The following RARB variants were observed in gnomAD, a reference collection of about 807,000 sequenced individuals.
RARB encodes HBV-activated protein.
RARB carries 17 observed loss-of-function variants against 51.9 expected under a neutral mutation model. The ratio of observed to expected loss-of-function variants is 0.33; its 90% CI spans 0.22 to 0.49. RARB has a LOEUF of 0.49. Among genes scored for constraint, RARB ranks in the 20% least tolerant of loss-of-function variants. RARB has a pLI of 0.99. For missense variants in RARB, 369 were observed against 550.8 expected (o/e 0.67, Z 3.30); for synonymous variants, 215 against 195.4 (o/e 1.10, Z -0.84).
chr3:25,343,257 G>T (rs563608827), intron 5 of RARB, among the ~76,000 whole-genome samples: 2 of 152,172 alleles, frequency 1.3e-5, no homozygotes, highest in East Asian at 1.9e-4. Context: ...GAATCTTGGA[G>T]GTAAGAACCA....
chr3:24,900,667 G>A (rs146789063), intron 2 of RARB, among the ~76,000 whole-genome samples: 33 of 152,318 alleles, frequency 2.2e-4, no homozygotes, highest in African/African-American at 7.0e-4. Flanking sequence ...GCACAATAGA[G>A]TTGTTTGCCT....
chr3:25,456,512 C>T (rs1198349955), intron 1 of RARB, among the ~76,000 whole-genome samples: 5 of 145,274 alleles, frequency 3.4e-5, no homozygotes, highest in African/African-American at 7.6e-5. Context: ...TTGGCATGTT[C>T]GCCTGAGGCT....
Position 25,567,577 on chromosome 3 carries a change from T to C in RARB, c.449-2181T>C, listed in dbSNP as rs1386374757. On this transcript the variant is annotated intron_variant, in intron 3 of 7. Transcript: ENST00000330688. The stretch of plus-strand genomic sequence containing the variant: ...TGAACATTTGGGTTCTTTCCACTTT[T>C]CAACTGCCGTGAGTCACACTGTCAT... 3.9e-5 allele frequency among the ~76,000 whole-genome samples: 6 copies of C among 152,212 alleles called. No homozygotes were observed. The East Asian group carries it at 9.6e-4, about 24-fold the overall frequency.
chr3:24,913,053 T>G (rs2125380836), intron 2 of RARB, among the ~76,000 whole-genome samples: 1 of 140,680 alleles, frequency 7.1e-6, no homozygotes, highest in African/African-American at 2.6e-5. Flanking sequence ...CCTTCTCGGC[T>G]CACTGCAAGC....
intron 2 of RARB, among the ~76,000 whole-genome samples, chr3:24,996,380 T>G (rs916211594): frequency 3.9e-5 from 6 of 152,206 alleles, no homozygotes; most frequent in African/African-American, 1.2e-4. Context: ...TCTAATGATT[T>G]GTAAATTTTG....
At chr3:25,251,807 G>A (rs999162653) in intron 5 of RARB, among the ~76,000 whole-genome samples, 1 of 151,270 alleles carries the variant, frequency 6.6e-6, no homozygotes, top group Non-Finnish European at 1.5e-5. Context: ...TTCATCTTTT[G>A]GGTTGTCTTT....
At chr3:25,563,537 A>G (rs1201246099) in intron 3 of RARB, among the ~76,000 whole-genome samples, 1 of 152,156 alleles carries the variant, frequency 6.6e-6, no homozygotes. Context: ...AACTCTCCCC[A>G]GTTTACAGTG....
intron 2 of RARB, among the ~76,000 whole-genome samples, chr3:25,032,458 C>T (rs1213658214): frequency 3.3e-5 from 5 of 152,156 alleles, no homozygotes. Context: ...AAAGTTAATT[C>T]CACCCCAGAA....
intron 3 of RARB, among the ~76,000 whole-genome samples, chr3:25,519,582 A>G (rs909479295): frequency 1.3e-5 from 2 of 152,192 alleles, no homozygotes; most frequent in African/African-American, 4.8e-5. Context: ...AAACAAAATT[A>G]TGCACAGTTT....
chr3:25,552,499 G>C (rs945614266), intron 3 of RARB, among the ~76,000 whole-genome samples: 1 of 151,828 alleles, frequency 6.6e-6, no homozygotes, highest in African/African-American at 2.4e-5. Flanking sequence ...CCAGTGGCTT[G>C]TTAGGGCAAC....
intron 5 of RARB, among the ~76,000 whole-genome samples, chr3:25,370,946 C>T (rs1337339834): frequency 6.6e-6 from 1 of 152,194 alleles, no homozygotes; most frequent in Non-Finnish European, 1.5e-5. Context: ...GGCTTGATAA[C>T]TCCACTCTCT....
chr3:24,967,680 C>T lies in RARB; in HGVS notation c.-379-92445C>T, dbSNP rs149569150. 5.9e-5 allele frequency among the ~76,000 whole-genome samples: 9 copies of T among 152,176 alleles called. No individual in the cohort carries two copies. The East Asian group carries it at 1.7e-3, about 29-fold the overall frequency. On this transcript the variant is annotated intron_variant, in intron 2 of 11. Transcript: ENST00000383772. ...TTCACAGTTTGCTTTATAGCACTAT[C>T]AAAGTTTCCAAAATGAATAAAATAG... is the stretch of plus-strand genomic sequence containing the variant.
intron 5 of RARB, chr3:25,259,864 C>T (rs1702954619): frequency 1.0e-6 from 1 of 969,260 alleles, no homozygotes; most frequent in Non-Finnish European, 1.2e-6. Flanking sequence ...CCAAATAAGT[C>T]AAGAGATTTG....
At chr3:25,409,596 G>C (rs1383345988) in intron 5 of RARB, among the ~76,000 whole-genome samples, 1 of 152,018 alleles carries the variant, frequency 6.6e-6, no homozygotes, top group Non-Finnish European at 1.5e-5. Flanking sequence ...ATTTAATGTG[G>C]GACTGTGTTT....
chr3:24,934,143 A>G (rs1695500527), intron 2 of RARB, among the ~76,000 whole-genome samples: 1 of 152,138 alleles, frequency 6.6e-6, no homozygotes. Context: ...TGTGTTCATC[A>G]TGACTTGTGA....
intron 2 of RARB, among the ~76,000 whole-genome samples, chr3:25,037,682 C>G (rs1306692718): frequency 3.9e-5 from 6 of 152,004 alleles, no homozygotes; most frequent in Non-Finnish European, 8.8e-5. Context: ...AGAAAGCAAG[C>G]TGAAGAGCAA....
intron 5 of RARB, among the ~76,000 whole-genome samples, chr3:25,205,547 G>A (rs369726266): frequency 3.5e-4 from 53 of 152,032 alleles, no homozygotes; most frequent in African/African-American, 8.4e-4. Flanking sequence ...GGAGCTGTTC[G>A]TATTCGGCCA....
chr3:25,266,777 G>A (rs1289491325), intron 5 of RARB, among the ~76,000 whole-genome samples: 2 of 152,178 alleles, frequency 1.3e-5, no homozygotes, highest in Non-Finnish European at 2.9e-5. Flanking sequence ...ACCAGAACTT[G>A]CTTTCTCTCC....
At chr3:25,569,705 A>C in intron 3 of RARB, 53 bp from the exon 4 acceptor site, 1 of 1,567,226 alleles carries the variant, frequency 6.4e-7, no homozygotes, top group South Asian at 1.2e-5. Flanking sequence ...CCAGCTCAGG[A>C]GCACAGGCCC....
Sources: gnomAD v4.1 joint callset for allele counts (sites outside exome capture counted in the v4.1 genomes callset) on GRCh38, gnomAD v4.1.1 for gene constraint, MANE v1.5 for transcripts, NCBI Gene and HGNC (gene_info 2026-07-23, HGNC 2026-07-21) for gene names.